HOOK2: variants seen among roughly 807,000 people sequenced by gnomAD.
HOOK2 encodes protein Hook homolog 2.
A neutral mutation model predicts 111.9 loss-of-function variants in HOOK2; 108 were observed. The ratio of observed to expected loss-of-function variants is 0.96; its 90% CI spans 0.83 to 1.13. The LOEUF is 1.13. Among genes scored for constraint, HOOK2 ranks in the 50% most tolerant of loss-of-function variants. The probability of loss-of-function intolerance (pLI) is 0.00; values close to 1 mark genes in which losing one functional copy is unlikely to be tolerated. For synonymous variants in HOOK2, 405 were observed against 394.3 expected, an observed-to-expected ratio of 1.03 and a Z score of -0.32; for missense variants, 978 against 951.3, an observed-to-expected ratio of 1.03 and a Z score of -0.37.
Position 12,763,706 on chromosome 19 carries a change from G to A in HOOK2, c.1900C>T (p.Gln634Ter). The change falls in exon 21 of 23, where the codon CAG becomes TAG. Residue 634 changes from glutamine to a stop codon, truncating the protein, a stop_gained. Transcript: ENST00000397668. LOFTEE classifies it high-confidence loss of function. ...ATGCGGACATCCCGTTCTCGGAGCT[G>A]TGTCCTCAGGGAATGGAGTTCTGGA... ...APPELHSLRTQLRERDVRIRH... is the reference protein window; with the variant it reads ...APPELHSLRT The A allele has an allele frequency of 5.0e-6, 8 of 1,614,232 alleles. No homozygotes were observed. Among genetic ancestry groups the A allele is most frequent in the Non-Finnish European group, 5.9e-6 (7 of 1,180,032 alleles).
In HOOK2 at chr19:12,773,064, T is replaced by C; in HGVS notation, c.205-20A>G. The C allele has an allele frequency of 6.2e-7, 1 of 1,613,750 alleles. No homozygotes were observed. The highest frequency in any genetic ancestry group is 8.5e-7 in the Non-Finnish European group (1 of 1,179,768). On this transcript the variant is annotated intron_variant, in intron 3 of 22. Transcript: ENST00000397668. ...GCTGACCTAGGGAGGAACAAGGAAC[T>C]GTGGACAAGTTCAGAGGCCTCCCAC...
At chr19:12,785,513 T>C (rs1481690887) in intron 3 of HOOK2, among the ~76,000 whole-genome samples, 1 of 151,778 alleles carries the variant, frequency 6.6e-6, no homozygotes, top group African/African-American at 2.4e-5. Context: ...AAGTTAGCCA[T>C]AGGAACTTTG....
chr19:12,775,188 G>A (rs949048793), intron 1 of HOOK2: 2 of 985,254 alleles, frequency 2.0e-6, no homozygotes, highest in Non-Finnish European at 2.4e-6. Context: ...CTCGCCCCAC[G>A]TGAACCAACC....
At chr19:12,768,322 T>C (rs1407106176) in intron 11 of HOOK2, among the ~76,000 whole-genome samples, 199 bp from the exon 12 acceptor site, 1 of 152,208 alleles carries the variant, frequency 6.6e-6, no homozygotes, top group African/African-American at 2.4e-5. Context: ...CTCAAACTCC[T>C]GGCCTCAAGC....
chr19:12,766,057 G>C, intron 15 of HOOK2, 43 bp from the exon 16 acceptor site: 1 of 1,608,276 alleles, frequency 6.2e-7, no homozygotes, highest in Non-Finnish European at 8.5e-7. Context: ...CCCACTTTTG[G>C]CCCCCTCTGT....
rs1175616626 is a variant in HOOK2 at position 12,786,602 on chromosome 19, G to A, written n.42-12377C>T. On this transcript the variant is annotated intron_variant and non_coding_transcript_variant, in intron 3 of 3. Coordinates refer to the HOOK2 transcript ENST00000589765. This position sits in a 1 kb window ranked among gnomAD's most constrained non-coding sequence, Gnocchi z 4.3. ...GACGCTCAGGCCAGTTGGGGGAGGGGGCTGTTCTCCCACCCTCCTCGTGGG... is the reference window on the plus strand; with the variant it reads ...GACGCTCAGGCCAGTTGGGGGAGGGAGCTGTTCTCCCACCCTCCTCGTGGG... Among the ~76,000 whole-genome samples, 1 of 152,164 alleles carries A rather than the reference G, an allele frequency of 6.6e-6. No homozygotes were observed. The highest frequency in any genetic ancestry group is 1.9e-4 in the East Asian group (1 of 5,188).
chr19:12,767,303 G>C (rs1968184146), intron 14 of HOOK2, 92 bp downstream of exon 14: 17 of 1,098,524 alleles, frequency 1.5e-5, no homozygotes, highest in East Asian at 2.4e-5. Context: ...CAAGCAACCG[G>C]GGCTAGCAGA....
At position 12,765,837 on chromosome 19, in the gene HOOK2, G is replaced by A. The variant is rs1033177489; in HGVS notation, c.1600-3C>T. On this transcript the variant is annotated splice_region_variant and splice_polypyrimidine_tract_variant and intron_variant, in intron 16 of 22. Coordinates refer to ENST00000397668, the MANE Select transcript of HOOK2 (RefSeq NM_013312.3). ...GGGCCCATGGTACTTACAATGGCCT[G>A]TATGGGGCATCGGGCAGCATGGGAG... is the stretch of plus-strand genomic sequence containing the variant. 2 of 1,611,430 alleles carry A rather than the reference G, an allele frequency of 1.2e-6. No homozygotes were observed. The highest frequency in any genetic ancestry group is 3.3e-4 in the Middle Eastern group (2 of 6,050).
Position 12,774,734 on chromosome 19 carries a change from A to C in HOOK2, c.139T>G (p.Ser47Ala), listed in dbSNP as rs1968441758. ...TGGAGCCATGCCTCGTTGAACCAGGAGGGGTCTCTGGGGGCGAGAAGGTGG... is the reference window on the plus strand; with the variant it reads ...TGGAGCCATGCCTCGTTGAACCAGGCGGGGTCTCTGGGGGCGAGAAGGTGG... Reference protein sequence around the residue: ...VAYVLNQIDPSWFNEAWLQGI... With the variant: ...VAYVLNQIDPAWFNEAWLQGI... Residue 47 changes from serine to alanine, a missense_variant, in exon 3 of 23, where the codon TCC becomes GCC. By Grantham distance (99) the Ser-to-Ala change is moderately conservative. Coordinates refer to ENST00000397668, the MANE Select transcript of HOOK2 (RefSeq NM_013312.3). The C allele has an allele frequency of 6.2e-7, 1 of 1,614,008 alleles. No homozygotes were observed. Among genetic ancestry groups the C allele is most frequent in the Non-Finnish European group, 8.5e-7 (1 of 1,179,912 alleles).
upstream of HOOK2, among the ~76,000 whole-genome samples, chr19:12,778,130 T>C (rs1968560939): frequency 6.6e-6 from 1 of 150,754 alleles, no homozygotes; most frequent in African/African-American, 2.4e-5. Flanking sequence ...GGTTATTAGC[T>C]GTACCCAGAG....
In HOOK2 at chr19:12,791,966, C is replaced by T; in HGVS notation, n.42-17741G>A. ...GACCCGGCCCAGAGGGCGGCGGTGG[C>T]GGCAGCTACTTTTCTGGTCAGGGCT... On this transcript the variant is annotated intron_variant and non_coding_transcript_variant, in intron 3 of 3. Transcript: ENST00000589765. This position sits in a 1 kb window ranked among gnomAD's most constrained non-coding sequence, Gnocchi z 7.0. 6.2e-7 allele frequency: 1 copy of T among 1,611,042 alleles called. No individual in the cohort carries two copies. Among genetic ancestry groups the T allele is most frequent in the Non-Finnish European group, 8.5e-7 (1 of 1,179,324 alleles).
intron 11 of HOOK2, among the ~76,000 whole-genome samples, chr19:12,768,936 T>C (rs1324598796): frequency 2.0e-5 from 3 of 151,690 alleles, no homozygotes; most frequent in Non-Finnish European, 4.4e-5. Context: ...TAGCTGGGAT[T>C]ACAGGCGCGC....
chr19:12,781,160 G>T (rs996195473), upstream of HOOK2, among the ~76,000 whole-genome samples: 2 of 143,208 alleles, frequency 1.4e-5, no homozygotes, highest in African/African-American at 5.1e-5. Context: ...AAAATTAGCC[G>T]GGCATGGTGG....
chr19:12,765,637 C>T (rs370625548), intron 18 of HOOK2, 53 bp downstream of exon 18: 47 of 1,606,164 alleles, frequency 2.9e-5, no homozygotes, highest in Non-Finnish European at 3.8e-5. Context: ...AGAAACTCCC[C>T]ACTAATATCA....
intron 7 of HOOK2, chr19:12,771,915 A>T: frequency 2.2e-6 from 1 of 450,018 alleles, no homozygotes; most frequent in Non-Finnish European, 3.9e-6. Flanking sequence ...AGAAAAGAAA[A>T]GAAAACAGGG....
intron 10 of HOOK2, 71 bp from the exon 11 acceptor site, chr19:12,770,153 C>G: frequency 7.6e-7 from 1 of 1,317,824 alleles, no homozygotes; most frequent in Non-Finnish European, 1.0e-6. Context: ...TGGAGTGGCC[C>G]TTGGAGCACA....
chr19:12,763,624 G>T (rs780430834), intron 21 of HOOK2, 25 bp from the exon 22 acceptor site: 10 of 1,614,162 alleles, frequency 6.2e-6, no homozygotes, highest in Non-Finnish European at 8.5e-6. Flanking sequence ...AGTGTCAGGG[G>T]CCTAGATACG....
At chr19:12,775,038 G>T in intron 1 of HOOK2, 141 bp from the exon 2 acceptor site, 1 of 1,105,276 alleles carries the variant, frequency 9.0e-7, no homozygotes, top group Non-Finnish European at 1.3e-6. Context: ...CGAGGGACTG[G>T]CTTCTGCTCA....
At position 12,790,322 on chromosome 19, in the gene HOOK2, G is replaced by T. The variant is rs934367334; in HGVS notation, n.42-16097C>A. ...ACAGGGCCGGGCTCCTTCCCCCGGG[G>T]CTGTTGCCACACTTCCTGCCTCTGC... On this transcript the variant is annotated intron_variant and non_coding_transcript_variant, in intron 3 of 3. Transcript: ENST00000589765. This position sits in a 1 kb window ranked among gnomAD's most constrained non-coding sequence, Gnocchi z 7.2. Among the ~76,000 whole-genome samples the T allele has an allele frequency of 6.6e-6, 1 of 152,176 alleles. No individual in the cohort carries two copies. The highest frequency in any genetic ancestry group is 6.5e-5 in the Admixed American group (1 of 15,274).
Sources: gnomAD v4.1 joint callset for allele counts (sites outside exome capture counted in the v4.1 genomes callset) on GRCh38, gnomAD v4.1.1 for gene constraint, Gnocchi (gnomAD v3.1) non-coding constraint, MANE v1.5 for transcripts, NCBI Gene and HGNC (gene_info 2026-07-23, HGNC 2026-07-21) for gene names.